The following NAA35 variants were observed in gnomAD, a reference collection of about 807,000 sequenced individuals.
NAA35 encodes N-alpha-acetyltransferase 35, NatC auxiliary subunit, also known as MAK10 homolog, amino-acid N-acetyltransferase subunit.
NAA35 carries 18 observed loss-of-function variants against 101.7 expected under a neutral mutation model. The observed-to-expected ratio is 0.18, with a 90% CI of 0.12 to 0.26. NAA35 has a LOEUF of 0.26. NAA35 is among the 10% of genes least tolerant of loss of function. The probability of loss-of-function intolerance (pLI) is 1.00; values close to 1 mark genes in which losing one functional copy is unlikely to be tolerated. For synonymous variants in NAA35, 267 were observed against 273.1 expected, an observed-to-expected ratio of 0.98 and a Z score of 0.22; for missense variants, 601 against 886.8, an observed-to-expected ratio of 0.68 and a Z score of 4.09.
Position 86,023,750 on chromosome 9 carries a change from C to G in NAA35, c.*1790C>G, listed in dbSNP as rs762511448. 6.6e-6 allele frequency among the ~76,000 whole-genome samples: 1 copy of G among 152,214 alleles called. No individual in the cohort carries two copies. The highest frequency in any genetic ancestry group is 1.5e-5 in the Non-Finnish European group (1 of 68,040). On this transcript the variant is annotated 3_prime_UTR_variant, in exon 23 of 23. Coordinates refer to ENST00000361671, the MANE Select transcript of NAA35 (RefSeq NM_024635.4). ...TAGGTCTTCCTAAGTAAAAGTTTTC[C>G]TATTAACCCATTATCAACTAAAAAA...
chr9:86,003,482 A>G lies in NAA35; in HGVS notation c.1057-103A>G, dbSNP rs181713436. 5.4e-6 allele frequency: 3 copies of G among 551,246 alleles called. No individual in the cohort carries two copies. The East Asian group carries it at 9.1e-5, about 17-fold the overall frequency. 34.1% of individuals were successfully genotyped at this position (551,246 alleles called of 1,614,324 possible). The stretch of plus-strand genomic sequence containing the variant: ...TTTGTCATATTTTAACTCTGGTACT[A>G]TGTCATTTCCAGAAGGTCTAGTAAA... On this transcript the variant is annotated intron_variant, in intron 12 of 22. Coordinates refer to ENST00000361671, the MANE Select transcript of NAA35 (RefSeq NM_024635.4).
At chr9:86,004,484 A>C (rs1293722567) in intron 13 of NAA35, among the ~76,000 whole-genome samples, 1 of 152,198 alleles carries the variant, frequency 6.6e-6, no homozygotes, top group Non-Finnish European at 1.5e-5. Flanking sequence ...TGTCAAAAAA[A>C]AAAAGTCTAC....
At chr9:85,977,731 GCCTAGT>G (rs1830273755) in intron 10 of NAA35, among the ~76,000 whole-genome samples, 1 of 152,006 alleles carries the variant, frequency 6.6e-6, no homozygotes, top group African/African-American at 2.4e-5. Context: ...TTTTAGGTAG[GCCTAGT>G]CTTACCTTCA....
chr9:85,976,836 G>T (rs1830231899), intron 9 of NAA35, 101 bp downstream of exon 9: 2 of 866,242 alleles, frequency 2.3e-6, no homozygotes, highest in South Asian at 1.7e-5. Flanking sequence ...CCTTTTTAAG[G>T]TATTTCTTTA....
chr9:85,956,424 T>G (rs745663464), intron 3 of NAA35, 31 bp downstream of exon 3: 3 of 1,311,724 alleles, frequency 2.3e-6, no homozygotes, highest in Non-Finnish European at 3.1e-6. Context: ...AATAGTGTAG[T>G]GTAATGTTTC....
At chr9:85,975,232 T>C in intron 8 of NAA35, 75 bp downstream of exon 8, 1 of 1,436,280 alleles carries the variant, frequency 7.0e-7, no homozygotes, top group Non-Finnish European at 9.6e-7. Context: ...TAATTAAAAA[T>C]GTGTAGAACC....
intron 17 of NAA35, chr9:86,015,549 C>T (rs1410339932): frequency 5.1e-6 from 1 of 194,628 alleles, no homozygotes; most frequent in Non-Finnish European, 9.4e-6. Context: ...AATTCCTGAC[C>T]TGTTAGGTCT....
At chr9:85,941,504 C>T in intron 1 of NAA35, 3 of 985,568 alleles carry the variant, frequency 3.0e-6, no homozygotes, top group Non-Finnish European at 3.6e-6. Context: ...TGCCCGCCCT[C>T]CCGCGCGGCG....
chr9:85,979,865 C>T (rs188721119), intron 11 of NAA35, among the ~76,000 whole-genome samples: 1 of 152,266 alleles, frequency 6.6e-6, no homozygotes, highest in East Asian at 1.9e-4. Context: ...GTGGAAAACA[C>T]AAACTCCAAC....
chr9:85,962,608 A>G (rs2117898018), intron 6 of NAA35, among the ~76,000 whole-genome samples: 1 of 152,298 alleles, frequency 6.6e-6, no homozygotes, highest in South Asian at 2.1e-4. Context: ...TGTATATTTA[A>G]AAACAGTTTT....
chr9:85,959,817 C>G lies in NAA35; in HGVS notation c.298C>G (p.Leu100Val). ...GGATGGCACTATTAAAATTAAAGATCTCACCTTGCCTGAACTGATAGGGAT... is the reference window on the plus strand; with the variant it reads ...GGATGGCACTATTAAAATTAAAGATGTCACCTTGCCTGAACTGATAGGGAT... ...IKDGTIKIKD[L>V]TLPELIGIMD... Residue 100 changes from leucine to valine, a missense_variant, in exon 5 of 23, where the codon CTC (leucine) becomes GTC (valine). Transcript: ENST00000361671. The G allele has an allele frequency of 6.2e-7, 1 of 1,609,740 alleles. No homozygotes were observed. Among genetic ancestry groups the G allele is most frequent in the East Asian group, 2.2e-5 (1 of 44,592 alleles).
chr9:85,970,746 A>G (rs1455970022), intron 6 of NAA35, among the ~76,000 whole-genome samples: 1 of 152,234 alleles, frequency 6.6e-6, no homozygotes, highest in Non-Finnish European at 1.5e-5. Context: ...ATGAATGTTA[A>G]GGACAGAGGA....
chr9:85,951,111 C>CG (rs1475386131), intron 2 of NAA35, among the ~76,000 whole-genome samples: 1 of 147,944 alleles, frequency 6.8e-6, no homozygotes, highest in Non-Finnish European at 1.5e-5. Flanking sequence ...GCACTCCAGC[C>CG]GGGGCGACAG....
intron 3 of NAA35, among the ~76,000 whole-genome samples, chr9:85,958,161 G>T (rs1829356756): frequency 6.6e-6 from 1 of 151,952 alleles, no homozygotes; most frequent in South Asian, 2.1e-4. Context: ...GGCTGGTCTT[G>T]AACTCCCAAC....
At chr9:85,965,172 C>T (rs376815203) in intron 6 of NAA35, among the ~76,000 whole-genome samples, 1 of 152,194 alleles carries the variant, frequency 6.6e-6, no homozygotes, top group Non-Finnish European at 1.5e-5. Context: ...CTTGACTCAG[C>T]AGTTTCACTT....
In NAA35 at chr9:85,952,343, TG is replaced by T. The variant is rs372488903; in HGVS notation, c.125-4015del. On this transcript the variant is annotated intron_variant, in intron 2 of 22. Coordinates refer to ENST00000361671, the MANE Select transcript of NAA35 (RefSeq NM_024635.4). Reference sequence around the variant, plus strand: ...TCTTTTTGCCCAGACTGGAGTGCAGTGGCGCCATCTCGGCTCACTACAACTT... The same window carrying T: ...TCTTTTTGCCCAGACTGGAGTGCAGTGCGCCATCTCGGCTCACTACAACTT... 1.2e-3 allele frequency among the ~76,000 whole-genome samples: 188 copies of T among 151,280 alleles called. 4 individuals are homozygous for T. The South Asian group carries it at 0.033, about 27-fold the overall frequency.
At chr9:86,016,454 T>C in intron 17 of NAA35, 85 bp from the exon 18 acceptor site, 1 of 1,181,618 alleles carries the variant, frequency 8.5e-7, no homozygotes, top group Non-Finnish European at 1.2e-6. Context: ...AAAGCATTAT[T>C]TGAAATATCT....
chr9:85,960,093 A>T (rs1378580439), intron 5 of NAA35, among the ~76,000 whole-genome samples: 1 of 152,214 alleles, frequency 6.6e-6, no homozygotes. Context: ...TTCAATGAAG[A>T]TAATATTATA....
intron 17 of NAA35, among the ~76,000 whole-genome samples, chr9:86,015,141 A>G (rs1362161066): frequency 6.6e-6 from 1 of 152,136 alleles, no homozygotes; most frequent in Non-Finnish European, 1.5e-5. Flanking sequence ...TTTGTTCTTG[A>G]TTTCTCAGAT....
Sources: gnomAD v4.1 joint callset for allele counts (sites outside exome capture counted in the v4.1 genomes callset) on GRCh38, gnomAD v4.1.1 for gene constraint, MANE v1.5 for transcripts, NCBI Gene and HGNC (gene_info 2026-07-23, HGNC 2026-07-21) for gene names.